TMEM106B: variants seen among roughly 807,000 people sequenced by gnomAD.
TMEM106B encodes transmembrane protein 106B.
TMEM106B carries 15 observed loss-of-function variants against 31.1 expected under a neutral mutation model. The observed-to-expected ratio is 0.48, with a 90% CI of 0.32 to 0.74. The LOEUF (loss-of-function observed/expected upper bound fraction) is 0.74, where lower values mean the gene tolerates loss of function less well. Among genes scored for constraint, TMEM106B ranks in the 30% least tolerant of loss-of-function variants. TMEM106B has a pLI of 0.03. For missense variants in TMEM106B, 283 were observed against 327.3 expected (o/e 0.86, Z 1.04); for synonymous variants, 126 against 112.5 (o/e 1.12, Z -0.76).
chr7:12,223,410 G>T (rs1232346440), intron 3 of TMEM106B, among the ~76,000 whole-genome samples: 6 of 152,020 alleles, frequency 3.9e-5, no homozygotes, highest in Admixed American at 3.9e-4. Flanking sequence ...GTGCCATGGT[G>T]GTTTATTGTA....
intron 3 of TMEM106B, among the ~76,000 whole-genome samples, chr7:12,219,767 G>A (rs1183330517): frequency 6.6e-6 from 1 of 152,010 alleles, no homozygotes; most frequent in African/African-American, 2.4e-5. Flanking sequence ...AACATAAACG[G>A]GAGGAATGAA....
intron 3 of TMEM106B, among the ~76,000 whole-genome samples, chr7:12,219,743 A>G (rs754225175): frequency 1.3e-5 from 2 of 152,212 alleles, no homozygotes; most frequent in Admixed American, 6.5e-5. Context: ...TTGGAAATAC[A>G]GTCAGGGAAA....
At chr7:12,212,540 A>C (rs1442151150) in intron 1 of TMEM106B, among the ~76,000 whole-genome samples, 11 of 151,722 alleles carry the variant, frequency 7.3e-5, no homozygotes, top group Admixed American at 2.0e-4. Flanking sequence ...ATTTGTTTGC[A>C]TACCATTTGT....
Position 12,236,808 on chromosome 7 carries a change from T to A in TMEM106B, c.*4833T>A, listed in dbSNP as rs1407719811. On this transcript the variant is annotated 3_prime_UTR_variant, in exon 8 of 8. Transcript: ENST00000396668. ...TTTTATTATATAATGGTTTTAGGCA[T>A]AAATTATTAACAAGCCATGCCTTAT... 6.6e-6 allele frequency: 1 copy of A among 152,088 alleles called. No homozygotes were observed. The highest frequency in any genetic ancestry group is 2.4e-5 in the African/African-American group (1 of 41,450). 9.4% of individuals were successfully genotyped at this position (152,088 alleles called of 1,614,324 possible). A position where few individuals can be genotyped will look rare whatever the true frequency, so the allele number is the denominator to read the frequency against.
At chr7:12,219,190 A>G (rs964566067) in intron 3 of TMEM106B, among the ~76,000 whole-genome samples, 1 of 152,176 alleles carries the variant, frequency 6.6e-6, no homozygotes, top group African/African-American at 2.4e-5. Context: ...CTCAAGAAAA[A>G]AGTTGAGTAG....
chr7:12,215,253 T>C (rs1321370376), intron 2 of TMEM106B, among the ~76,000 whole-genome samples: 1 of 152,202 alleles, frequency 6.6e-6, no homozygotes, highest in African/African-American at 2.4e-5. Flanking sequence ...CCAGTATTTT[T>C]TCATTCCCAC....
At chr7:12,213,521 G>C (rs1024608786) in intron 1 of TMEM106B, among the ~76,000 whole-genome samples, 1 of 152,158 alleles carries the variant, frequency 6.6e-6, no homozygotes, top group East Asian at 1.9e-4. Flanking sequence ...GTGCTAACTA[G>C]TTAAAAGGTA....
intron 4 of TMEM106B, among the ~76,000 whole-genome samples, chr7:12,226,012 C>T (rs564408574): frequency 1.3e-5 from 2 of 152,242 alleles, no homozygotes; most frequent in African/African-American, 2.4e-5. Flanking sequence ...TTAGGTCTAA[C>T]ATTTAAGTCT....
At chr7:12,216,292 A>G (rs1004106019) in intron 2 of TMEM106B, among the ~76,000 whole-genome samples, 1 of 152,048 alleles carries the variant, frequency 6.6e-6, no homozygotes. Context: ...CAGATTATGG[A>G]AAGTAGGAAA....
At chr7:12,216,524 T>C (rs1781689668) in intron 2 of TMEM106B, among the ~76,000 whole-genome samples, 1 of 152,140 alleles carries the variant, frequency 6.6e-6, no homozygotes, top group Non-Finnish European at 1.5e-5. Context: ...AGGAATTCAA[T>C]TGCAGCGCCC....
chr7:12,226,113 C>G (rs6966602), intron 4 of TMEM106B, among the ~76,000 whole-genome samples: 43,784 of 149,726 alleles, frequency 0.29, 6,488 homozygotes, highest in South Asian at 0.43. Context: ...TTCCCAGGAC[C>G]ATTTATTAAA....
In TMEM106B at chr7:12,236,082, C is replaced by T. The variant is rs916242648; in HGVS notation, c.*4107C>T. The stretch of plus-strand genomic sequence containing the variant: ...CTTTTAAAAAATTATTTTTACATTA[C>T]AACAATATATTTATGATGTGTTCAG... On this transcript the variant is annotated 3_prime_UTR_variant, in exon 8 of 8. Coordinates refer to ENST00000396668, the MANE Select transcript of TMEM106B (RefSeq NM_001134232.2). The T allele has an allele frequency of 6.6e-6, 1 of 151,870 alleles. No individual in the cohort carries two copies. Among genetic ancestry groups the T allele is most frequent in the African/African-American group, 2.4e-5 (1 of 41,396 alleles). The allele number at this position is 151,870 out of a possible 1,614,324, so 9.4% of individuals were successfully genotyped here. A position where few individuals can be genotyped will look rare whatever the true frequency, so the allele number is the denominator to read the frequency against.
intron 1 of TMEM106B, among the ~76,000 whole-genome samples, chr7:12,212,449 T>C (rs1781599676): frequency 6.6e-6 from 1 of 151,802 alleles, no homozygotes; most frequent in Non-Finnish European, 1.5e-5. Flanking sequence ...AAGTCATAAA[T>C]CATTTGTATT....
At position 12,233,141 on chromosome 7, in the gene TMEM106B, A is replaced by G. The variant is rs1782059607; in HGVS notation, c.*1166A>G. ...ATGCCTCTAGTAGTTACTTTTTTAT[A>G]GTTTTCTACTTTTGGTTTTATTTAA... is the stretch of plus-strand genomic sequence containing the variant. On this transcript the variant is annotated 3_prime_UTR_variant, in exon 8 of 8. Transcript: ENST00000396668. 6.6e-6 allele frequency: 1 copy of G among 151,236 alleles called. No individual in the cohort carries two copies. The highest frequency in any genetic ancestry group is 2.1e-4 in the South Asian group (1 of 4,810). 9.4% of individuals were successfully genotyped at this position (151,236 alleles called of 1,614,324 possible). A position where few individuals can be genotyped will look rare whatever the true frequency, so the allele number is the denominator to read the frequency against.
intron 6 of TMEM106B, 45 bp downstream of exon 6, chr7:12,230,483 TG>T: frequency 7.8e-7 from 1 of 1,277,956 alleles, no homozygotes; most frequent in Non-Finnish European, 1.1e-6. Flanking sequence ...AATAATGAAG[TG>T]TATAAAATAA....
rs144098183 is a variant in TMEM106B, at chr7:12,230,605, A to G, written c.632+167A>G. On this transcript the variant is annotated intron_variant, in intron 6 of 7. Coordinates refer to ENST00000396668, the MANE Select transcript of TMEM106B (RefSeq NM_001134232.2). ...GTTCCTCTTTTTCAACATATATAAT[A>G]TTCATGTATATATACACATAAAATT... 3.2e-3 allele frequency: 1,600 copies of G among 500,256 alleles called. 4 individuals carry two copies. Among genetic ancestry groups the G allele is most frequent in the Middle Eastern group, 8.4e-3 (16 of 1,896 alleles). The allele number at this position is 500,256 out of a possible 1,614,324, so 31.0% of individuals were successfully genotyped here.
chr7:12,215,702 G>T, intron 2 of TMEM106B: 2 of 267,282 alleles, frequency 7.5e-6, no homozygotes, highest in East Asian at 1.2e-4. Context: ...ACAGCTGTGA[G>T]CCACCACGCC....
At position 12,232,793 on chromosome 7, in the gene TMEM106B, A is replaced by G. The variant is rs1018679288; in HGVS notation, c.*818A>G. 6.6e-6 allele frequency: 1 copy of G among 152,350 alleles called. No homozygotes were observed. Among genetic ancestry groups the G allele is most frequent in the African/African-American group, 2.4e-5 (1 of 41,448 alleles). 9.4% of individuals were successfully genotyped at this position (152,350 alleles called of 1,614,324 possible). ...ATTACAACAAGTTTCTCATAAAAAT[A>G]CAATAAATAGGAAAATGAAATTCAG... On this transcript the variant is annotated 3_prime_UTR_variant, in exon 8 of 8. Coordinates refer to ENST00000396668, the MANE Select transcript of TMEM106B (RefSeq NM_001134232.2).
Position 12,242,321 on chromosome 7 carries a change from C to G in TMEM106B, c.*10346C>G, listed in dbSNP as rs1782248727. 2.8e-5 allele frequency: 1 copy of G among 35,858 alleles called. No individual in the cohort carries two copies. 2.2% of individuals were successfully genotyped at this position (35,858 alleles called of 1,614,324 possible). A position where few individuals can be genotyped will look rare whatever the true frequency, so the allele number is the denominator to read the frequency against. On this transcript the variant is annotated 3_prime_UTR_variant, in exon 8 of 8. Coordinates refer to ENST00000396668, the MANE Select transcript of TMEM106B (RefSeq NM_001134232.2). ...CCGGGAAGCGGGGCTTGCAGCGAGC[C>G]GAGATTGCGCCACTGCAGTCCGCAG... is the stretch of plus-strand genomic sequence containing the variant.
Sources: gnomAD v4.1 joint callset for allele counts (sites outside exome capture counted in the v4.1 genomes callset) on GRCh38, gnomAD v4.1.1 for gene constraint, MANE v1.5 for transcripts, NCBI Gene and HGNC (gene_info 2026-07-23, HGNC 2026-07-21) for gene names.